Variants in EFS observed in about 807,000 individuals in gnomAD.
The protein encoded by EFS is Cas scaffolding protein family member 3.
EFS carries 34 observed loss-of-function variants against 42.2 expected under a neutral mutation model. The ratio of observed to expected loss-of-function variants is 0.81; its 90% CI spans 0.61 to 1.07. The LOEUF is 1.07. Ranked by LOEUF, EFS falls within the 50% of genes least tolerant of loss-of-function variation. The probability of loss-of-function intolerance (pLI) is 0.00; values close to 1 mark genes in which losing one functional copy is unlikely to be tolerated. For missense variants in EFS, 717 were observed against 729.4 expected, an observed-to-expected ratio of 0.98 and a Z score of 0.20; for synonymous variants, 299 against 320.7, an observed-to-expected ratio of 0.93 and a Z score of 0.72.
chr14:23,359,604 G>A lies in EFS; in HGVS notation c.874C>T (p.His292Tyr). Residue 292 changes from histidine (H) to tyrosine (Y), a missense_variant, in exon 4 of 6, where the codon CAC (histidine) becomes TAC (tyrosine). By Grantham distance (83) the His-to-Tyr change is moderately conservative (BLOSUM62 2). Coordinates refer to ENST00000216733, the MANE Select transcript of EFS (RefSeq NM_005864.4). ...QLLARSPPPPHRPRLPSAESL... is the reference protein window; with the variant it reads ...QLLARSPPPPYRPRLPSAESL... ...TCAGCTGAGGGGAGCCGGGGCCTGT[G>A]TGGGGGTGGGGGGCTTCTGGCCAGA... 1 of 1,494,602 alleles carries A rather than the reference G, an allele frequency of 6.7e-7. No individual in the cohort carries two copies. The highest frequency in any genetic ancestry group is 8.9e-7 in the Non-Finnish European group (1 of 1,125,658). 92.6% of individuals were successfully genotyped at this position (1,494,602 alleles called of 1,614,324 possible). A position where few individuals can be genotyped will look rare whatever the true frequency, so the allele number is the denominator to read the frequency against.
At chr14:23,359,149 G>A (rs1029729338) in intron 4 of EFS, among the ~76,000 whole-genome samples, 168 bp downstream of exon 4, 1 of 152,230 alleles carries the variant, frequency 6.6e-6, no homozygotes, top group Non-Finnish European at 1.5e-5. Context: ...GAACAGTGTG[G>A]CACTGGTACA....
Position 23,359,441 on chromosome 14 carries a change from C to A in EFS, c.1037G>T (p.Gly346Val). The change falls in exon 4 of 6, where the codon GGT becomes GTT. Residue 346 changes from glycine (G) to valine (V), a missense_variant. Coordinates refer to ENST00000216733, the MANE Select transcript of EFS (RefSeq NM_005864.4). ...CCCCTCGACCTTGGGGCCTCCATAA[C>A]CAGGCAGGCGGGGTGGGGGTGGGGG... is the stretch of plus-strand genomic sequence containing the variant. ...PLPPPPPRLP[G>V]YGGPKVEGDP... 1 of 1,606,076 alleles carries A rather than the reference C, an allele frequency of 6.2e-7. No homozygotes were observed. Among genetic ancestry groups the A allele is most frequent in the Non-Finnish European group, 8.5e-7 (1 of 1,177,332 alleles).
rs556930701 is a variant in EFS, at chr14:23,359,061, C to G, written c.1162-96G>C. On this transcript the variant is annotated intron_variant, in intron 4 of 5. Coordinates refer to ENST00000216733, the MANE Select transcript of EFS (RefSeq NM_005864.4). Reference sequence around the variant, plus strand: ...CCCCTTCCCCGGACCCCCTTCCTTCCGAAGGACACTCCTGTTATCAGAGGT... The same window carrying G: ...CCCCTTCCCCGGACCCCCTTCCTTCGGAAGGACACTCCTGTTATCAGAGGT... 7.9e-4 allele frequency: 968 copies of G among 1,228,198 alleles called. 2 individuals are homozygous for G. Among genetic ancestry groups the G allele is most frequent in the Middle Eastern group, 2.6e-3 (11 of 4,198 alleles). The allele number at this position is 1,228,198 out of a possible 1,614,324, so 76.1% of individuals were successfully genotyped here. A position where few individuals can be genotyped will look rare whatever the true frequency, so the allele number is the denominator to read the frequency against.
intron 1 of EFS, among the ~76,000 whole-genome samples, chr14:23,363,321 TAAC>T (rs958825201): frequency 5.9e-5 from 9 of 152,164 alleles, no homozygotes; most frequent in Non-Finnish European, 1.0e-4. Flanking sequence ...TTTCAGATAA[TAAC>T]AATACTACCT....
At chr14:23,362,684 G>A (rs1047288714) in intron 1 of EFS, among the ~76,000 whole-genome samples, 5 of 152,210 alleles carry the variant, frequency 3.3e-5, no homozygotes, top group African/African-American at 9.7e-5. Flanking sequence ...GGGATTAAAA[G>A]CACAGTTCTA....
In EFS at chr14:23,357,071, GAC is replaced by G. The variant is rs1889935428; in HGVS notation, c.*153_*154del. ...AAAAAGCTGTAGGTTAGGGGGAGAAGACACCTCTGTGAGAGGTTGAGATGAGC... is the reference window on the plus strand; with the variant it reads ...AAAAAGCTGTAGGTTAGGGGGAGAAGACCTCTGTGAGAGGTTGAGATGAGC... On this transcript the variant is annotated 3_prime_UTR_variant, in exon 6 of 6. Coordinates refer to ENST00000216733, the MANE Select transcript of EFS (RefSeq NM_005864.4). 1.7e-6 allele frequency: 1 copy of G among 580,678 alleles called. No individual in the cohort carries two copies. Among genetic ancestry groups the G allele is most frequent in the African/African-American group, 1.9e-5 (1 of 52,986 alleles). The allele number at this position is 580,678 out of a possible 1,614,324, so 36.0% of individuals were successfully genotyped here.
rs754526857 is a variant in EFS at position 23,358,980 on chromosome 14, C to T, written c.1162-15G>A. 2 of 1,599,760 alleles carry T rather than the reference C, an allele frequency of 1.3e-6. No homozygotes were observed. Among genetic ancestry groups the T allele is most frequent in the African/African-American group, 1.3e-5 (1 of 74,392 alleles). On this transcript the variant is annotated splice_polypyrimidine_tract_variant and intron_variant, in intron 4 of 5. Coordinates refer to ENST00000216733, the MANE Select transcript of EFS (RefSeq NM_005864.4). Reference sequence around the variant, plus strand: ...TTGTCCATGCCCTGCAGGAGGGGATCAGGTCTCAGTGTCGGGGTGGGGGAG... The same window carrying T: ...TTGTCCATGCCCTGCAGGAGGGGATTAGGTCTCAGTGTCGGGGTGGGGGAG...
At chr14:23,362,485 T>C (rs1208989976) in intron 1 of EFS, among the ~76,000 whole-genome samples, 1 of 152,218 alleles carries the variant, frequency 6.6e-6, no homozygotes, top group Admixed American at 6.5e-5. Flanking sequence ...TGGGTGATTT[T>C]AACAACAAAT....
rs1039689262 is a variant in EFS, at chr14:23,360,057, C to T, written c.439-18G>A. 5.0e-6 allele frequency: 8 copies of T among 1,613,702 alleles called. No homozygotes were observed. Among genetic ancestry groups the T allele is most frequent in the Non-Finnish European group, 6.8e-6 (8 of 1,179,934 alleles). On this transcript the variant is annotated intron_variant, in intron 3 of 5. Coordinates refer to ENST00000216733, the MANE Select transcript of EFS (RefSeq NM_005864.4). ...TCGTAGACCTGCGGAAAGGAGTGGT[C>T]AGTCATCTGTCAGCTCAGCGATGAA... is the stretch of plus-strand genomic sequence containing the variant.
chr14:23,357,781 A>T, intron 5 of EFS, 121 bp from the exon 6 acceptor site: 1 of 839,024 alleles, frequency 1.2e-6, no homozygotes, highest in Non-Finnish European at 1.7e-6. Flanking sequence ...ACCTCTGCCC[A>T]TCGGAAAGTT....
In EFS at chr14:23,359,465, G is replaced by A. The variant is rs780393962; in HGVS notation, c.1013C>T (p.Pro338Leu). 6.2e-7 allele frequency: 1 copy of A among 1,601,114 alleles called. No individual in the cohort carries two copies. The highest frequency in any genetic ancestry group is 1.7e-5 in the Admixed American group (1 of 58,716). Reference protein sequence around the residue: ...RKGSIQDRPLPPPPPRLPGYG... With the variant: ...RKGSIQDRPLLPPPPRLPGYG... ...ACCAGGCAGGCGGGGTGGGGGTGGG[G>A]GCAGAGGCCGGTCCTGGATGCTGCC... The change falls in exon 4 of 6, where the codon CCC (proline) becomes CTC (leucine). Residue 338 changes from proline to leucine, a missense_variant. Coordinates refer to ENST00000216733, the MANE Select transcript of EFS (RefSeq NM_005864.4).
rs142399331 is a variant in EFS, at chr14:23,357,581, T to C, written c.1331A>G (p.Gln444Arg). ...QLLYFYAGQC[Q>R]SHYSALQAAV... ...TGCCTGCAGGGCTGAGTAGTGGCTC[T>C]GGCATTGCCCAGCATAGAAGTACAG... The change falls in exon 6 of 6, where the codon CAG becomes CGG. Residue 444 changes from glutamine to arginine, a missense_variant. Coordinates refer to ENST00000216733, the MANE Select transcript of EFS (RefSeq NM_005864.4). 3.6e-4 allele frequency: 582 copies of C among 1,604,546 alleles called. No homozygotes were observed. Among genetic ancestry groups the C allele is most frequent in the Non-Finnish European group, 4.5e-4 (529 of 1,173,410 alleles).
intron 1 of EFS, among the ~76,000 whole-genome samples, chr14:23,362,024 TAAAAG>T (rs146080528): frequency 0.012 from 1,781 of 152,270 alleles, 35 homozygotes; most frequent in African/African-American, 0.04. Flanking sequence ...GGAATCTACT[TAAAAG>T]AAAGAGTAGT....
Position 23,365,151 on chromosome 14 carries a change from C to T in EFS, c.-126G>A. 1.1e-6 allele frequency: 1 copy of T among 887,692 alleles called. No individual in the cohort carries two copies. Among genetic ancestry groups the T allele is most frequent in the African/African-American group, 1.7e-5 (1 of 57,640 alleles). 55.0% of individuals were successfully genotyped at this position (887,692 alleles called of 1,614,324 possible). On this transcript the variant is annotated 5_prime_UTR_variant, in exon 1 of 6. Coordinates refer to ENST00000216733, the MANE Select transcript of EFS (RefSeq NM_005864.4). This position sits in a 1 kb window ranked among gnomAD's most constrained non-coding sequence, Gnocchi z 5.3. ...TGTGGCGCCTGAGTCGTGGCCTCCG[C>T]CAAGGTTGGAGGAGGAGAAAGAAAA...
Position 23,360,007 on chromosome 14 carries a change from C to T in EFS, c.471G>A (p.Val157=). The change falls in exon 4 of 6, where the codon GTG becomes GTA. Residue 157 remains valine (V), a synonymous_variant. Coordinates refer to ENST00000216733, the MANE Select transcript of EFS (RefSeq NM_005864.4). ...GGCAGTCATAGGGGCCACTGGAGGGCACCCGGAGGGCGGTGGGGGGCACAT... is the reference window on the plus strand; with the variant it reads ...GGCAGTCATAGGGGCCACTGGAGGGTACCCGGAGGGCGGTGGGGGGCACAT... ...VYDVPPTALR[V]PSSGPYDCPA... 1 of 1,603,820 alleles carries T rather than the reference C, an allele frequency of 6.2e-7. No individual in the cohort carries two copies. Among genetic ancestry groups the T allele is most frequent in the Non-Finnish European group, 8.5e-7 (1 of 1,175,744 alleles).
chr14:23,364,678 AACC>A (rs1890262037), intron 1 of EFS, among the ~76,000 whole-genome samples: 1 of 152,060 alleles, frequency 6.6e-6, no homozygotes. Flanking sequence ...AGCCTCTGCC[AACC>A]ACCAGTGGCC....
chr14:23,359,932 TC>T lies in EFS; in HGVS notation c.545del (p.Gly182GlufsTer11). 6.4e-7 allele frequency: 1 copy of T among 1,560,876 alleles called. No homozygotes were observed. The highest frequency in any genetic ancestry group is 8.7e-7 in the Non-Finnish European group (1 of 1,154,618). The stretch of plus-strand genomic sequence containing the variant: ...GCACATCATAGGGAGCATCATCCTC[TC>T]CAGGGGGCTGCGGGGCAACCCGGGT... ...PLTRVAPQPPGEDDAPYDVPL... is the reference protein window; with the variant it reads ...PLTRVAPQPPXEDDAPYDVPL... On this transcript the variant is annotated frameshift_variant, in exon 4 of 6. Coordinates refer to ENST00000216733, the MANE Select transcript of EFS (RefSeq NM_005864.4). LOFTEE classifies it high-confidence loss of function.
intron 4 of EFS, 126 bp from the exon 5 acceptor site, chr14:23,359,091 G>T: frequency 1.8e-6 from 2 of 1,127,568 alleles, no homozygotes; most frequent in Middle Eastern, 2.9e-4. Flanking sequence ...AGAGGTTGTA[G>T]TCCCTTGACT....
intron 1 of EFS, among the ~76,000 whole-genome samples, chr14:23,364,091 G>C (rs1488433337): frequency 2.0e-5 from 3 of 152,100 alleles, no homozygotes; most frequent in Admixed American, 6.6e-5. Context: ...TGACGGCCTC[G>C]CTTCCCTGGG....
Sources: allele counts gnomAD v4.1 joint callset (sites outside exome capture counted in the v4.1 genomes callset), GRCh38; gene constraint gnomAD v4.1.1; non-coding constraint Gnocchi (gnomAD v3.1); transcripts MANE v1.5; gene names NCBI Gene and HGNC (gene_info 2026-07-23, HGNC 2026-07-21).